The following CLASP2 variants were observed in gnomAD, a reference collection of about 807,000 sequenced individuals.
The protein encoded by CLASP2 is CLIP-associating protein 2.
Under a neutral mutation model 194.4 loss-of-function variants are expected in CLASP2, and 47 were observed. The ratio of observed to expected loss-of-function variants is 0.24; its 90% CI spans 0.19 to 0.31. The LOEUF is 0.31. CLASP2 is among the 10% of genes least tolerant of loss of function. The pLI is 1.00. For synonymous variants in CLASP2, 619 were observed against 633.5 expected, an observed-to-expected ratio of 0.98 and a Z score of 0.34; for missense variants, 1,445 against 1,823.6, an observed-to-expected ratio of 0.79 and a Z score of 3.78.
chr3:33,574,604 GT>G (rs1560105341), intron 24 of CLASP2: 1 of 621,272 alleles, frequency 1.6e-6, no homozygotes, highest in South Asian at 2.1e-5. Flanking sequence ...GAAACATTAC[GT>G]TTTTTTCACA....
At chr3:33,669,649 G>A (rs1273783308) in intron 6 of CLASP2, among the ~76,000 whole-genome samples, 1 of 151,110 alleles carries the variant, frequency 6.6e-6, no homozygotes, top group East Asian at 1.9e-4. Flanking sequence ...CCAAATGGCT[G>A]ATAAACAGAT....
Position 33,535,416 on chromosome 3 carries a change from C to T in CLASP2, c.3604G>A (p.Ala1202Thr). The stretch of plus-strand genomic sequence containing the variant: ...AGAGCTGTTTGACTTGAGTCAGTAG[C>T]ATCACCTCCTGCTCTTGGGTCAGAC... Reference protein sequence around the residue: ...GMSDPRAGGDATDSSQTALDN... With the variant: ...GMSDPRAGGDTTDSSQTALDN... The change falls in exon 34 of 39, where the codon GCT becomes ACT. Residue 1202 changes from alanine to threonine, a missense_variant. This residue lies in a region of CLASP2 where 732 missense variants were observed against 987.9 expected (regional missense o/e 0.74). Transcript: ENST00000682230. 6.2e-7 allele frequency: 1 copy of T among 1,613,982 alleles called. No homozygotes were observed.
chr3:33,605,127 A>G (rs900647055), intron 16 of CLASP2, among the ~76,000 whole-genome samples: 2 of 152,176 alleles, frequency 1.3e-5, no homozygotes, highest in Non-Finnish European at 2.9e-5. Flanking sequence ...GATCCTTTGT[A>G]CTCAAAATAT....
At chr3:33,606,088 A>C (rs1274158347) in intron 16 of CLASP2, among the ~76,000 whole-genome samples, 4 of 152,214 alleles carry the variant, frequency 2.6e-5, no homozygotes, top group Admixed American at 2.6e-4. Flanking sequence ...CTAAGCAGTA[A>C]GGATTTGAGG....
intron 5 of CLASP2, among the ~76,000 whole-genome samples, chr3:33,686,151 AG>A (rs1169040370): frequency 6.6e-6 from 1 of 152,194 alleles, no homozygotes; most frequent in Non-Finnish European, 1.5e-5. Flanking sequence ...CAGAGCAGGT[AG>A]GATCTAAAAG....
chr3:33,644,909 C>T lies in CLASP2; in HGVS notation c.716-6G>A, dbSNP rs762671990. The T allele has an allele frequency of 1.3e-5, 20 of 1,584,308 alleles. No homozygotes were observed. Among genetic ancestry groups the T allele is most frequent in the Non-Finnish European group, 1.4e-5 (16 of 1,163,644 alleles). On this transcript the variant is annotated splice_region_variant and splice_polypyrimidine_tract_variant and intron_variant, in intron 7 of 38. Coordinates refer to ENST00000682230, the MANE Select transcript of CLASP2 (RefSeq NM_001365631.1). Reference sequence around the variant, plus strand: ...TTCATCATCGAAGCTTTTATCTGCACAAAGCATCAGAAAAATGTATTTAAG... The same window carrying T: ...TTCATCATCGAAGCTTTTATCTGCATAAAGCATCAGAAAAATGTATTTAAG...
chr3:33,521,858 A>G (rs1019734132), intron 34 of CLASP2, among the ~76,000 whole-genome samples: 4 of 150,002 alleles, frequency 2.7e-5, no homozygotes, highest in Non-Finnish European at 4.4e-5. Context: ...TTCAGCTCTC[A>G]GTACAGTAGC....
chr3:33,584,371 CAAA>C (rs911900985), intron 22 of CLASP2, among the ~76,000 whole-genome samples: 1 of 148,434 alleles, frequency 6.7e-6, no homozygotes, highest in Non-Finnish European at 1.5e-5. Flanking sequence ...ACCCCAGGTT[CAAA>C]AGATTCTCCT....
intron 5 of CLASP2, among the ~76,000 whole-genome samples, chr3:33,686,230 A>C (rs1202276293): frequency 1.3e-5 from 2 of 152,154 alleles, no homozygotes; most frequent in African/African-American, 4.8e-5. Flanking sequence ...GTCAAGATTC[A>C]AGTTCACCAT....
At chr3:33,560,101 A>G (rs2061570024) in intron 28 of CLASP2, among the ~76,000 whole-genome samples, 1 of 152,230 alleles carries the variant, frequency 6.6e-6, no homozygotes, top group Admixed American at 6.5e-5. Flanking sequence ...GTAGAAATAT[A>G]TCATTGGTTC....
At chr3:33,584,635 T>G in intron 22 of CLASP2, 115 bp downstream of exon 22, 1 of 959,124 alleles carries the variant, frequency 1.0e-6, no homozygotes, top group Non-Finnish European at 1.5e-6. Context: ...TTTTAAGTTA[T>G]TTTCTTCTAA....
At chr3:33,684,322 G>GAAA in intron 6 of CLASP2, 37 bp downstream of exon 6, 17 of 967,120 alleles carry the variant, frequency 1.8e-5, no homozygotes, top group Admixed American at 5.4e-5. Context: ...AACTAGTGGT[G>GAAA]AAAAAAAAAA....
intron 5 of CLASP2, among the ~76,000 whole-genome samples, chr3:33,686,413 G>A (rs2090679988): frequency 6.6e-6 from 1 of 152,174 alleles, no homozygotes; most frequent in South Asian, 2.1e-4. Flanking sequence ...TGTCAGATCG[G>A]TGGCAGCATT....
intron 12 of CLASP2, among the ~76,000 whole-genome samples, chr3:33,617,048 G>T (rs1577255612): frequency 6.9e-6 from 1 of 145,746 alleles, no homozygotes; most frequent in Admixed American, 7.0e-5. Context: ...TTCTAACATT[G>T]TTACAAAGGT....
At chr3:33,706,807 A>T (rs1199535236) in intron 1 of CLASP2, among the ~76,000 whole-genome samples, 3 of 151,926 alleles carry the variant, frequency 2.0e-5, no homozygotes, top group Non-Finnish European at 4.4e-5. Context: ...AGAAAAAAAA[A>T]TTTTAAAGTT....
In CLASP2 at chr3:33,544,819, G is replaced by T. The variant is rs769385672; in HGVS notation, c.3176C>A (p.Ser1059Ter). 3 of 1,612,174 alleles carry T rather than the reference G, an allele frequency of 1.9e-6. No homozygotes were observed. The highest frequency in any genetic ancestry group is 1.7e-5 in the Admixed American group (1 of 59,798). ...CTCTGGGGTATTGAGTTCAAATAATGAAATCAGCACTGACTGTGCTGCCTA... is the reference window on the plus strand; with the variant it reads ...CTCTGGGGTATTGAGTTCAAATAATTAAATCAGCACTGACTGTGCTGCCTA... Reference protein sequence around the residue: ...VRKAAQSVLISLFELNTPEFT... With the variant: ...VRKAAQSVLI Residue 1059 changes from serine to a stop codon, truncating the protein, a stop_gained, in exon 31 of 39, where the codon TCA becomes TAA. Coordinates refer to ENST00000682230, the MANE Select transcript of CLASP2 (RefSeq NM_001365631.1). LOFTEE classifies it high-confidence loss of function.
intron 23 of CLASP2, chr3:33,577,348 T>C: frequency 1.9e-6 from 2 of 1,059,316 alleles, no homozygotes; most frequent in Middle Eastern, 2.0e-4. Flanking sequence ...CAAGGAGAGT[T>C]AGTTAACACT....
chr3:33,715,696 AGACACTCAGATTCT>A (rs952686683), intron 1 of CLASP2, among the ~76,000 whole-genome samples: 1 of 152,168 alleles, frequency 6.6e-6, no homozygotes, highest in Admixed American at 6.5e-5. Context: ...ATGACTGTTA[AGACACTCAGATTCT>A]GAAGTACTAC....
At chr3:33,658,610 C>T (rs1338199225) in intron 7 of CLASP2, among the ~76,000 whole-genome samples, 2 of 152,134 alleles carry the variant, frequency 1.3e-5, no homozygotes, top group Non-Finnish European at 2.9e-5. Context: ...GCTAGCTAGT[C>T]AAATCTTCCT....
Sources: gnomAD v4.1 joint callset for allele counts (sites outside exome capture counted in the v4.1 genomes callset) on GRCh38, gnomAD v4.1.1 for gene constraint, gnomAD v4.1.1 regional missense constraint, MANE v1.5 for transcripts, NCBI Gene and HGNC (gene_info 2026-07-23, HGNC 2026-07-21) for gene names.